ADGRB3: variants seen among roughly 807,000 people sequenced by gnomAD.
ADGRB3 encodes brain-specific angiogenesis inhibitor 3.
A neutral mutation model predicts 193.4 loss-of-function variants in ADGRB3; 37 were observed. The ratio of observed to expected loss-of-function variants is 0.19; its 90% CI spans 0.15 to 0.25. The LOEUF is 0.25. Among genes scored for constraint, ADGRB3 ranks in the 10% least tolerant of loss-of-function variants. ADGRB3 has a pLI of 1.00. For synonymous variants in ADGRB3, 690 were observed against 644.2 expected (o/e 1.07, Z -1.08); for missense variants, 1,637 against 1,852.9 (o/e 0.88, Z 2.14).
intron 20 of ADGRB3, among the ~76,000 whole-genome samples, chr6:69,248,578 G>A (rs1326839709): frequency 6.6e-6 from 1 of 152,206 alleles, no homozygotes; most frequent in African/African-American, 2.4e-5. Context: ...TAATTCAGAG[G>A]TTGGCAAACT....
In ADGRB3 at chr6:69,019,441, A is replaced by ATT. The variant is rs568104166; in HGVS notation, c.2107+950_2107+951dup. 4.0e-3 allele frequency among the ~76,000 whole-genome samples: 600 copies of ATT among 151,488 alleles called. 2 individuals carry two copies. The highest frequency in any genetic ancestry group is 0.025 in the South Asian group (118 of 4,804). The stretch of plus-strand genomic sequence containing the variant: ...GGAAGTTCAGCTGGTAGAGAACATA[A>ATT]TTTTTTTTTATGATTAAGGCTGTTG... On this transcript the variant is annotated intron_variant, in intron 13 of 31. Transcript: ENST00000370598.
chr6:68,880,599 T>A (rs545242037), intron 3 of ADGRB3, among the ~76,000 whole-genome samples: 184 of 152,266 alleles, frequency 1.2e-3, no homozygotes, highest in African/African-American at 4.3e-3. Flanking sequence ...ACAGCGTAAA[T>A]AACTTCTGGG....
intron 29 of ADGRB3, among the ~76,000 whole-genome samples, chr6:69,368,617 G>A (rs1336331036): frequency 6.6e-6 from 1 of 152,032 alleles, no homozygotes; most frequent in East Asian, 1.9e-4. Flanking sequence ...AAAGAAGAGA[G>A]CCCAGGAACT....
intron 3 of ADGRB3, among the ~76,000 whole-genome samples, chr6:68,747,851 C>T (rs952538320): frequency 6.6e-6 from 1 of 152,022 alleles, no homozygotes; most frequent in African/African-American, 2.4e-5. Flanking sequence ...AGAGACATAC[C>T]CGTGACTTGG....
At chr6:69,074,725 T>C (rs1772178521) in intron 16 of ADGRB3, among the ~76,000 whole-genome samples, 1 of 151,950 alleles carries the variant, frequency 6.6e-6, no homozygotes, top group Admixed American at 6.6e-5. Flanking sequence ...TTTTGTATTT[T>C]TAGTACAGAC....
At chr6:68,707,493 G>GA (rs1258990312) in intron 3 of ADGRB3, among the ~76,000 whole-genome samples, 1 of 151,994 alleles carries the variant, frequency 6.6e-6, no homozygotes, top group African/African-American at 2.4e-5. Context: ...TATAGCCAAT[G>GA]AAAAAATGAG....
At chr6:69,236,097 A>C (rs1766260061) in intron 19 of ADGRB3, among the ~76,000 whole-genome samples, 1 of 152,020 alleles carries the variant, frequency 6.6e-6, no homozygotes, top group African/African-American at 2.4e-5. Flanking sequence ...AAAAACATTC[A>C]GTTGAAAAAT....
chr6:69,305,638 T>A (rs1300912796), intron 20 of ADGRB3, among the ~76,000 whole-genome samples: 1 of 148,916 alleles, frequency 6.7e-6, no homozygotes, highest in Non-Finnish European at 1.5e-5. Context: ...AAGCAAAGAG[T>A]CAACACAGGG....
chr6:68,750,423 G>A lies in ADGRB3; in HGVS notation c.757+110991G>A, dbSNP rs192628669. Among the ~76,000 whole-genome samples, 194 of 152,168 alleles carry A rather than the reference G, an allele frequency of 1.3e-3. 1 individual carries two copies. Among genetic ancestry groups the A allele is most frequent in the Non-Finnish European group, 3.2e-4 (22 of 67,990 alleles). ...CAAGAATGATTTTGTATTGCTGGGGGTTTAGACTCCATGAAAAAAATGAAC... is the reference window on the plus strand; with the variant it reads ...CAAGAATGATTTTGTATTGCTGGGGATTTAGACTCCATGAAAAAAATGAAC... On this transcript the variant is annotated intron_variant, in intron 3 of 31. Coordinates refer to ENST00000370598, the MANE Select transcript of ADGRB3 (RefSeq NM_001704.3).
intron 17 of ADGRB3, among the ~76,000 whole-genome samples, chr6:69,137,476 A>G (rs111970032): frequency 5.9e-5 from 9 of 152,198 alleles, no homozygotes; most frequent in African/African-American, 2.2e-4. Context: ...TTCCGAAACA[A>G]GAGAGTTCAC....
intron 3 of ADGRB3, among the ~76,000 whole-genome samples, chr6:68,866,390 T>G (rs1306592401): frequency 6.6e-6 from 1 of 152,216 alleles, no homozygotes; most frequent in East Asian, 1.9e-4. Flanking sequence ...CCATGATTGC[T>G]AGTTTCCTGA....
At chr6:68,796,311 A>AT (rs1269138767) in intron 3 of ADGRB3, among the ~76,000 whole-genome samples, 1 of 151,692 alleles carries the variant, frequency 6.6e-6, no homozygotes, top group Non-Finnish European at 1.5e-5. Flanking sequence ...CCTAAATGTC[A>AT]TTTTTTCTCC....
At chr6:69,147,011 CA>C (rs1238322830) in intron 17 of ADGRB3, among the ~76,000 whole-genome samples, 7 of 151,702 alleles carry the variant, frequency 4.6e-5, no homozygotes, top group Non-Finnish European at 1.0e-4. Context: ...TCTCCTTTAT[CA>C]TTTCTGATTT....
At chr6:68,767,613 C>T (rs982707156) in intron 3 of ADGRB3, among the ~76,000 whole-genome samples, 1 of 152,110 alleles carries the variant, frequency 6.6e-6, no homozygotes, top group East Asian at 1.9e-4. Context: ...TGGAAGCATT[C>T]CCTTTGAAAA....
chr6:68,659,184 A>G (rs759142116), intron 3 of ADGRB3, among the ~76,000 whole-genome samples: 3 of 151,078 alleles, frequency 2.0e-5, no homozygotes, highest in Non-Finnish European at 4.5e-5. Context: ...TAATTGTGGT[A>G]ACACTCAATT....
intron 13 of ADGRB3, among the ~76,000 whole-genome samples, chr6:69,032,850 C>A (rs1352652530): frequency 3.9e-5 from 6 of 152,132 alleles, no homozygotes; most frequent in Non-Finnish European, 8.8e-5. Context: ...TATACCATGA[C>A]TAACTAGCCT....
chr6:68,862,084 A>C (rs1421333967), intron 3 of ADGRB3, among the ~76,000 whole-genome samples: 1 of 151,510 alleles, frequency 6.6e-6, no homozygotes, highest in Non-Finnish European at 1.5e-5. Flanking sequence ...AAACTTTCCA[A>C]CTCATCCTGT....
chr6:68,688,834 A>T (rs762025218), intron 3 of ADGRB3, among the ~76,000 whole-genome samples: 1 of 152,204 alleles, frequency 6.6e-6, no homozygotes, highest in Non-Finnish European at 1.5e-5. Context: ...AACAGACCAC[A>T]GGACTTGATT....
At chr6:69,314,548 A>G (rs983266910) in intron 20 of ADGRB3, among the ~76,000 whole-genome samples, 2 of 151,636 alleles carry the variant, frequency 1.3e-5, no homozygotes, top group African/African-American at 4.8e-5. Context: ...ATGTTTCCTC[A>G]TCATAACCTT....
Sources: allele counts gnomAD v4.1 joint callset (sites outside exome capture counted in the v4.1 genomes callset), GRCh38; gene constraint gnomAD v4.1.1; transcripts MANE v1.5; gene names NCBI Gene and HGNC (gene_info 2026-07-23, HGNC 2026-07-21).